ABCC10: variants seen among roughly 807,000 people sequenced by gnomAD.
ABCC10 encodes the protein ATP-binding cassette sub-family C member 10.
ABCC10 carries 110 observed loss-of-function variants against 143.2 expected under a neutral mutation model. That is an observed-to-expected ratio of 0.77 (90% confidence interval 0.66 to 0.90). The LOEUF (loss-of-function observed/expected upper bound fraction) is 0.90. Among genes scored for constraint, ABCC10 ranks in the 40% least tolerant of loss-of-function variants. ABCC10 has a pLI of 0.00. For synonymous variants in ABCC10, 805 were observed against 846.7 expected (o/e 0.95, Z 0.85); for missense variants, 1,700 against 1,900.5 (o/e 0.89, Z 1.96).
At chr6:43,451,356 C>T, downstream of ABCC10, 1 of 1,505,766 alleles carries the variant, frequency 6.6e-7, no homozygotes, top group South Asian at 1.3e-5. This position sits in a 1 kb window ranked among gnomAD's most constrained non-coding sequence, Gnocchi z 4.4. Context: ...TGACCACTGC[C>T]CGCCATGTCA....
At chr6:43,448,010 G>A in intron 18 of ABCC10, 73 bp downstream of exon 18, 1 of 1,585,918 alleles carries the variant, frequency 6.3e-7, no homozygotes, top group Non-Finnish European at 8.5e-7. Context: ...GCATAGCCAG[G>A]AAGGCTTTAT....
chr6:43,446,042 C>T, intron 15 of ABCC10, 100 bp downstream of exon 15: 5 of 1,349,410 alleles, frequency 3.7e-6, no homozygotes, highest in Non-Finnish European at 5.0e-6. Flanking sequence ...TTCAGCCCTC[C>T]TGGGGACAAG....
rs749503369 is a variant in ABCC10 at position 43,438,648 on chromosome 6, G to C, written c.1980G>C (p.Arg660=). ...LHRLRGHVAV[R]GLSKGFGLAT... The stretch of plus-strand genomic sequence containing the variant: ...GGCTGCGTGGGCATGTGGCAGTGCG[G>C]GGGCTGTCCAAGGGCTTTGGCCTGG... The change falls in exon 8 of 22, where the codon CGG becomes CGC. Residue 660 remains arginine (R), a synonymous_variant. Coordinates refer to ENST00000372530, the MANE Select transcript of ABCC10 (RefSeq NM_001198934.2). The C allele has an allele frequency of 1.2e-6, 2 of 1,614,000 alleles. No individual in the cohort carries two copies. Among genetic ancestry groups the C allele is most frequent in the African/African-American group, 2.7e-5 (2 of 74,946 alleles).
In ABCC10 at chr6:43,444,182, C is replaced by T; in HGVS notation, c.2518C>T (p.Pro840Ser). 1 of 1,613,670 alleles carries T rather than the reference C, an allele frequency of 6.2e-7. No homozygotes were observed. Among genetic ancestry groups the T allele is most frequent in the South Asian group, 1.1e-5 (1 of 91,022 alleles). ...DSATAQSVQN[P>S]EKTKEGLEEE... The stretch of plus-strand genomic sequence containing the variant: ...AGCCACAGCCCAGTCAGTACAGAAC[C>T]CAGAGAAAACAAAGGAGGGGCTGGA... Residue 840 changes from proline to serine, a missense_variant, in exon 12 of 22, where the codon CCA becomes TCA. Coordinates refer to ENST00000372530, the MANE Select transcript of ABCC10 (RefSeq NM_001198934.2).
Position 43,438,743 on chromosome 6 carries a change from C to A in ABCC10, c.2075C>A (p.Ala692Glu), listed in dbSNP as rs1482039383. Residue 692 changes from alanine (A) to glutamate (E), a missense_variant, in exon 8 of 22, where the codon GCA becomes GAA. Physicochemically the swap from Ala to Glu is moderately radical, Grantham distance 107 (BLOSUM62 -1). Transcript: ENST00000372530. Reference protein sequence around the residue: ...DNILFGKTFDAQLYKEVLEAC... With the variant: ...DNILFGKTFDEQLYKEVLEAC... Reference sequence around the variant, plus strand: ...ATCCTCTTTGGGAAGACATTTGATGCACAGCTGTACAAGGAGGTGCTAGAA... The same window carrying A: ...ATCCTCTTTGGGAAGACATTTGATGAACAGCTGTACAAGGAGGTGCTAGAA... The A allele has an allele frequency of 1.2e-6, 2 of 1,614,114 alleles. No homozygotes were observed. The highest frequency in any genetic ancestry group is 2.7e-5 in the African/African-American group (2 of 74,944).
At position 43,442,998 on chromosome 6, in the gene ABCC10, C is replaced by T. The variant is rs770288857; in HGVS notation, c.2255C>T (p.Pro752Leu). The T allele has an allele frequency of 4.4e-6, 7 of 1,606,236 alleles. No homozygotes were observed. Among genetic ancestry groups the T allele is most frequent in the Non-Finnish European group, 4.2e-6 (5 of 1,176,608 alleles). ...AAGGAGCTCTATCTCCTCGATGACC[C>T]TCTGGCCGCTGTGGATGCAGATGTG... ...QEKELYLLDDPLAAVDADVAN... is the reference protein window; with the variant it reads ...QEKELYLLDDLLAAVDADVAN... Residue 752 changes from proline (P) to leucine (L), a missense_variant, in exon 10 of 22, where the codon CCT becomes CTT. By Grantham distance (98) the Pro-to-Leu change is moderately conservative. Transcript: ENST00000372530.
chr6:43,433,434 C>T, intron 3 of ABCC10, 74 bp downstream of exon 3: 1 of 1,497,194 alleles, frequency 6.7e-7, no homozygotes, highest in Non-Finnish European at 8.9e-7. Context: ...TTCCCATGCA[C>T]ACTACCTGAG....
At chr6:43,444,711 G>A (rs766923251) in intron 12 of ABCC10, 77 bp from the exon 13 acceptor site, 20 of 1,505,546 alleles carry the variant, frequency 1.3e-5, no homozygotes, top group East Asian at 9.1e-5. Flanking sequence ...AGGCAAGGGC[G>A]GAGAAAGGGG....
chr6:43,447,519 T>C (rs1468887808), intron 17 of ABCC10, 111 bp downstream of exon 17: 1 of 1,553,788 alleles, frequency 6.4e-7, no homozygotes, highest in Admixed American at 1.9e-5. Flanking sequence ...CCATAACCTC[T>C]CTTCATGATG....
Position 43,446,336 on chromosome 6 carries a change from G to C in ABCC10, c.3434G>C (p.Ser1145Thr). 3 of 1,613,974 alleles carry C rather than the reference G, an allele frequency of 1.9e-6. No homozygotes were observed. Among genetic ancestry groups the C allele is most frequent in the Non-Finnish European group, 2.5e-6 (3 of 1,179,946 alleles). Residue 1145 changes from serine (S) to threonine (T), a missense_variant, in exon 16 of 22, where the codon AGT becomes ACT. Transcript: ENST00000372530. ...ELNQRCQFAT[S>T]ATMQWLDIRL... ...AACCAGAGGTGCCAGTTTGCCACCA[G>C]TGCCACAATGCAGTGGCTGGACATT... is the stretch of plus-strand genomic sequence containing the variant.
Position 43,447,628 on chromosome 6 carries a change from C to T in ABCC10, c.3706-56C>T, listed in dbSNP as rs1783247050. ...TTATTCTCCCCTCCTCACCATCGCTCCTCATCTCCCCTATCTCCCTTTCCC... is the reference window on the plus strand; with the variant it reads ...TTATTCTCCCCTCCTCACCATCGCTTCTCATCTCCCCTATCTCCCTTTCCC... On this transcript the variant is annotated intron_variant, in intron 17 of 21. Coordinates refer to ENST00000372530, the MANE Select transcript of ABCC10 (RefSeq NM_001198934.2). The T allele has an allele frequency of 2.5e-6, 4 of 1,604,418 alleles. No homozygotes were observed. The East Asian group carries it at 6.7e-5, about 27-fold the overall frequency.
intron 8 of ABCC10, among the ~76,000 whole-genome samples, chr6:43,439,687 G>A (rs552722983): frequency 6.7e-4 from 102 of 152,112 alleles, no homozygotes; most frequent in Non-Finnish European, 1.2e-3. Flanking sequence ...GGATTCAAGC[G>A]ATTCTCCTGC....
At position 43,446,593 on chromosome 6, in the gene ABCC10, G is replaced by A. The variant is rs114052195; in HGVS notation, c.3544+147G>A. ...TATCATGATTATCATCATCACCCCC[G>A]TTTGGAGTTGAGGAGACAATCCCCA... On this transcript the variant is annotated intron_variant, in intron 16 of 21. Coordinates refer to ENST00000372530, the MANE Select transcript of ABCC10 (RefSeq NM_001198934.2). The A allele has an allele frequency of 3.6e-4, 517 of 1,426,190 alleles. 1 individual carries two copies. In the African/African-American group the frequency reaches 6.4e-3, roughly 18 times the overall value. 88.3% of individuals were successfully genotyped at this position (1,426,190 alleles called of 1,614,324 possible).
intron 8 of ABCC10, among the ~76,000 whole-genome samples, chr6:43,440,659 C>T (rs568418269): frequency 1.3e-4 from 19 of 151,734 alleles, no homozygotes; most frequent in African/African-American, 3.4e-4. Context: ...GTCAGGAGTT[C>T]GAGACCAGCC....
chr6:43,432,700 G>GC lies in ABCC10; in HGVS notation c.721dup (p.Leu241ProfsTer107). 6.2e-7 allele frequency: 1 copy of GC among 1,613,538 alleles called. No individual in the cohort carries two copies. Among genetic ancestry groups the GC allele is most frequent in the Non-Finnish European group, 8.5e-7 (1 of 1,179,888 alleles). On this transcript the variant is annotated frameshift_variant, in exon 3 of 22. Coordinates refer to ENST00000372530, the MANE Select transcript of ABCC10 (RefSeq NM_001198934.2). LOFTEE classifies it high-confidence loss of function. Reference sequence around the variant, plus strand: ...TGCTGGCCCGTGGGGCCTGTGGAGAGCTCCGGCAGCCTCAGGACATTTGCC... The same window carrying GC: ...TGCTGGCCCGTGGGGCCTGTGGAGAGCCTCCGGCAGCCTCAGGACATTTGCC...
At position 43,446,281 on chromosome 6, in the gene ABCC10, G is replaced by A; in HGVS notation, c.3379G>A (p.Glu1127Lys). The A allele has an allele frequency of 1.2e-6, 2 of 1,613,408 alleles. No homozygotes were observed. The highest frequency in any genetic ancestry group is 1.7e-6 in the Non-Finnish European group (2 of 1,179,594). Reference sequence around the variant, plus strand: ...CATCCCTCTGGCCTTCCCTAGGTTTGAGGAGGAGAACCTGCGACTCCTTGA... The same window carrying A: ...CATCCCTCTGGCCTTCCCTAGGTTTAAGGAGGAGAACCTGCGACTCCTTGA... ...LRATGATYRF[E>K]EENLRLLELN... The change falls in exon 16 of 22, where the codon GAG becomes AAG. Residue 1127 changes from glutamate (E) to lysine (K), a missense_variant. Physicochemically the swap from Glu to Lys is moderately conservative, Grantham distance 56. Coordinates refer to ENST00000372530, the MANE Select transcript of ABCC10 (RefSeq NM_001198934.2).
chr6:43,432,252 CA>C lies in ABCC10; in HGVS notation c.273del (p.Ala93GlnfsTer6). Reference sequence around the variant, plus strand: ...GACCTTCTTCCAGTTGCTTTGCCACCAGGGGCAGGCCCAGGACCCATAGGGC... The same window carrying C: ...GACCTTCTTCCAGTTGCTTTGCCACCGGGGCAGGCCCAGGACCCATAGGGC... Reference protein sequence around the residue: ...LLDLLPVALPPGAGPGPIGLE... With the variant: ...LLDLLPVALPXGAGPGPIGLE... On this transcript the variant is annotated frameshift_variant, in exon 3 of 22. Coordinates refer to ENST00000372530, the MANE Select transcript of ABCC10 (RefSeq NM_001198934.2). LOFTEE classifies it high-confidence loss of function. 6.2e-7 allele frequency: 1 copy of C among 1,614,254 alleles called. No homozygotes were observed. The highest frequency in any genetic ancestry group is 8.5e-7 in the Non-Finnish European group (1 of 1,180,054).
chr6:43,432,129 C>A lies in ABCC10; in HGVS notation c.162-13C>A, dbSNP rs774212549. The A allele has an allele frequency of 6.2e-7, 1 of 1,612,968 alleles. No individual in the cohort carries two copies. Among genetic ancestry groups the A allele is most frequent in the South Asian group, 1.1e-5 (1 of 91,000 alleles). ...GCCACGATGTGCCTCCTTGTCTTCC[C>A]CCTTGTCCCCAGGAGTCCAGATTAC... is the stretch of plus-strand genomic sequence containing the variant. On this transcript the variant is annotated splice_polypyrimidine_tract_variant and intron_variant, in intron 2 of 21. Transcript: ENST00000372530.
At position 43,443,289 on chromosome 6, in the gene ABCC10, A is replaced by G. The variant is rs1392397796; in HGVS notation, c.2416+130A>G. ...TCATTGCTGCCTCCCGCCTTCACAG[A>G]ACTGGTGTGAGGAACTGGGAGAACA... is the stretch of plus-strand genomic sequence containing the variant. On this transcript the variant is annotated intron_variant, in intron 10 of 21. Transcript: ENST00000372530. The surrounding 1 kb of genome is among the most constrained non-coding windows in gnomAD (Gnocchi z 4.2). The G allele has an allele frequency of 1.0e-5, 10 of 970,070 alleles. No homozygotes were observed. The highest frequency in any genetic ancestry group is 6.8e-5 in the Admixed American group (2 of 29,626). The allele number at this position is 970,070 out of a possible 1,614,324, so 60.1% of individuals were successfully genotyped here.
Sources: allele counts gnomAD v4.1 joint callset (sites outside exome capture counted in the v4.1 genomes callset), GRCh38; gene constraint gnomAD v4.1.1; non-coding constraint Gnocchi (gnomAD v3.1); transcripts MANE v1.5; gene names NCBI Gene and HGNC (gene_info 2026-07-23, HGNC 2026-07-21).